PIK3C2G: variants seen among roughly 807,000 people sequenced by gnomAD.
PIK3C2G encodes phosphatidylinositol 3-kinase C2 domain-containing subunit gamma.
PIK3C2G carries 168 observed loss-of-function variants against 181.1 expected under a neutral mutation model. The observed-to-expected ratio is 0.93, with a 90% CI of 0.82 to 1.05. PIK3C2G has a LOEUF of 1.05. Among genes scored for constraint, PIK3C2G ranks in the 50% least tolerant of loss-of-function variants. The probability of loss-of-function intolerance (pLI) is 0.00; values close to 1 mark genes in which losing one functional copy is unlikely to be tolerated. For synonymous variants in PIK3C2G, 573 were observed against 592.2 expected (o/e 0.97, Z 0.47); for missense variants, 1,869 against 1,732.8 (o/e 1.08, Z -1.40).
chr12:18,662,724 G>C, the PIK3C2G span, among the ~76,000 whole-genome samples: 1 of 152,074 alleles, frequency 6.6e-6, no homozygotes, highest in Admixed American at 6.6e-5. Flanking sequence ...ATGAGGTCTA[G>C]TCTGTAAAGG....
chr12:18,308,583 C>G (rs1178895390), intron 5 of PIK3C2G, among the ~76,000 whole-genome samples: 1 of 150,982 alleles, frequency 6.6e-6, no homozygotes, highest in Non-Finnish European at 1.5e-5. Context: ...CTCTTTATTT[C>G]CTTTACAAAA....
the PIK3C2G span, among the ~76,000 whole-genome samples, chr12:18,663,404 A>G: frequency 6.6e-6 from 1 of 152,140 alleles, no homozygotes; most frequent in East Asian, 1.9e-4. Context: ...TATTTACATA[A>G]CATTTACATT....
chr12:18,307,732 C>T (rs1360693446), intron 5 of PIK3C2G, among the ~76,000 whole-genome samples: 1 of 151,750 alleles, frequency 6.6e-6, no homozygotes, highest in African/African-American at 2.4e-5. Context: ...TTATTAAATT[C>T]CCACCCTTCT....
chr12:18,636,571 A>T (rs150997932), intron 31 of PIK3C2G, among the ~76,000 whole-genome samples: 20 of 152,280 alleles, frequency 1.3e-4, no homozygotes, highest in Admixed American at 3.3e-4. Context: ...AGCATTTGCC[A>T]GGTCAATAGC....
the PIK3C2G span, among the ~76,000 whole-genome samples, chr12:18,656,460 G>A: frequency 6.6e-6 from 1 of 152,150 alleles, no homozygotes; most frequent in Admixed American, 6.5e-5. Flanking sequence ...CAGCTACTTG[G>A]AAGGCTGAGG....
At chr12:18,680,746 T>C in the PIK3C2G span, among the ~76,000 whole-genome samples, 7 of 151,976 alleles carry the variant, frequency 4.6e-5, no homozygotes, top group African/African-American at 1.7e-4. Context: ...TGGGAAGCCA[T>C]AGGGCATCTC....
At chr12:18,323,192 GT>G (rs1380719131) in intron 7 of PIK3C2G, among the ~76,000 whole-genome samples, 5 of 152,114 alleles carry the variant, frequency 3.3e-5, no homozygotes, top group African/African-American at 7.2e-5. Flanking sequence ...AGTTGCAGGG[GT>G]CCAGAGGGTT....
chr12:18,646,230 C>A (rs518345), intron 32 of PIK3C2G, among the ~76,000 whole-genome samples: 18,387 of 152,058 alleles, frequency 0.12, 1,443 homozygotes, highest in African/African-American at 0.21. Flanking sequence ...ATAATTAAAA[C>A]ATCAGTAATT....
chr12:18,344,808 T>C (rs1040681287), intron 10 of PIK3C2G, among the ~76,000 whole-genome samples: 1 of 152,160 alleles, frequency 6.6e-6, no homozygotes, highest in Non-Finnish European at 1.5e-5. Context: ...TTTCCCACCA[T>C]ATTTCACCAC....
rs192961789 is a variant in PIK3C2G, at chr12:18,596,924, G to C, written c.4087+2355G>C. ...TAGAACTATTTAAAAATAAATATTT[G>C]TGTTAAGTTGTTTCTGAAACATTCA... is the stretch of plus-strand genomic sequence containing the variant. On this transcript the variant is annotated intron_variant, in intron 30 of 32. Transcript: ENST00000538779. 2.7e-3 allele frequency among the ~76,000 whole-genome samples: 405 copies of C among 152,198 alleles called. 1 individual carries two copies. The highest frequency in any genetic ancestry group is 9.1e-3 in the African/African-American group (376 of 41,526).
chr12:18,682,950 T>A, the PIK3C2G span, among the ~76,000 whole-genome samples: 1 of 152,014 alleles, frequency 6.6e-6, no homozygotes, highest in Non-Finnish European at 1.5e-5. Context: ...CAAAAGCTTA[T>A]AAATTCTAGT....
chr12:18,666,866 G>A, the PIK3C2G span, among the ~76,000 whole-genome samples: 2 of 152,212 alleles, frequency 1.3e-5, no homozygotes, highest in Admixed American at 1.3e-4. Context: ...TCTTATTTTT[G>A]CAATTTTCCT....
rs181462215 is a variant in PIK3C2G, at chr12:18,405,509, T to A, written c.2315+5662T>A. 1.5e-3 allele frequency among the ~76,000 whole-genome samples: 233 copies of A among 150,976 alleles called. 1 individual carries two copies. The highest frequency in any genetic ancestry group is 5.4e-3 in the African/African-American group (223 of 41,032). On this transcript the variant is annotated intron_variant, in intron 16 of 32. Transcript: ENST00000538779. ...ATCTCGGTTCACAGCAACCTCCGCC[T>A]CCCCGGGAGAACAGCAACATTTTAA...
intron 24 of PIK3C2G, among the ~76,000 whole-genome samples, chr12:18,506,508 CAG>C (rs1415399083): frequency 6.6e-6 from 1 of 152,078 alleles, no homozygotes; most frequent in Non-Finnish European, 1.5e-5. Flanking sequence ...ATTTTGAAGA[CAG>C]AGCCACAGGA....
the PIK3C2G span, among the ~76,000 whole-genome samples, chr12:18,675,830 C>A: frequency 6.7e-6 from 1 of 149,064 alleles, no homozygotes; most frequent in African/African-American, 2.5e-5. Flanking sequence ...TACAAATGAA[C>A]AGATAGGTAA....
At position 18,583,392 on chromosome 12, in the gene PIK3C2G, C is replaced by T. The variant is rs574006823; in HGVS notation, c.4012-11102C>T. ...TACATGGGTCCCCAGCCCTGTATCT[C>T]CTCAGTGGGTGGGTCCTCCTGGCCT... On this transcript the variant is annotated intron_variant, in intron 29 of 32. Transcript: ENST00000538779. Among the ~76,000 whole-genome samples, 9 of 152,204 alleles carry T rather than the reference C, an allele frequency of 5.9e-5. No homozygotes were observed. The East Asian group carries it at 9.7e-4, about 16-fold the overall frequency.
chr12:18,522,866 T>C (rs2136188245), intron 24 of PIK3C2G, among the ~76,000 whole-genome samples: 1 of 152,176 alleles, frequency 6.6e-6, no homozygotes, highest in East Asian at 1.9e-4. Flanking sequence ...GAACTCCTAC[T>C]ATTTGAAGGT....
the PIK3C2G span, among the ~76,000 whole-genome samples, chr12:18,673,047 G>T: frequency 6.6e-6 from 1 of 152,106 alleles, no homozygotes; most frequent in Non-Finnish European, 1.5e-5. Flanking sequence ...TGCCAAAGTG[G>T]TACATAGAAG....
intron 8 of PIK3C2G, among the ~76,000 whole-genome samples, chr12:18,332,912 C>G (rs983504310): frequency 6.6e-6 from 1 of 152,098 alleles, no homozygotes; most frequent in Non-Finnish European, 1.5e-5. Context: ...GTATTTTCCC[C>G]GAAAAGCTGG....
Sources: allele counts gnomAD v4.1 joint callset (sites outside exome capture counted in the v4.1 genomes callset), GRCh38; gene constraint gnomAD v4.1.1; transcripts MANE v1.5; gene names NCBI Gene and HGNC (gene_info 2026-07-23, HGNC 2026-07-21).